Variants in CACNA2D3 observed in about 807,000 individuals in gnomAD.
CACNA2D3 encodes voltage-dependent calcium channel subunit alpha-2/delta-3.
In CACNA2D3, 60 loss-of-function variants were observed where a neutral mutation model predicts 160.6. The observed-to-expected ratio is 0.37, with a 90% CI of 0.30 to 0.46. CACNA2D3 has a LOEUF of 0.46. CACNA2D3 is among the 20% of genes least tolerant of loss of function. CACNA2D3 has a pLI of 1.00. For synonymous variants in CACNA2D3, 558 were observed against 492.9 expected, an observed-to-expected ratio of 1.13 and a Z score of -1.75; for missense variants, 1,205 against 1,365.0, an observed-to-expected ratio of 0.88 and a Z score of 1.85.
intron 5 of CACNA2D3, among the ~76,000 whole-genome samples, chr3:54,544,311 A>C (rs1196515491): frequency 6.6e-6 from 1 of 152,094 alleles, no homozygotes; most frequent in Admixed American, 6.5e-5. Context: ...ACTGTTTTGA[A>C]ACAGGCTTTA....
At chr3:54,753,461 A>G (rs572108947) in intron 12 of CACNA2D3, among the ~76,000 whole-genome samples, 10 of 152,332 alleles carry the variant, frequency 6.6e-5, no homozygotes, top group African/African-American at 1.9e-4. Context: ...TGGTCCAGAC[A>G]GAACAGTCAC....
At chr3:54,163,490 T>C (rs1700388838) in intron 2 of CACNA2D3, among the ~76,000 whole-genome samples, 1 of 152,206 alleles carries the variant, frequency 6.6e-6, no homozygotes, top group African/African-American at 2.4e-5. Context: ...CCATAATGGC[T>C]TCTAAAGCTG....
intron 27 of CACNA2D3, among the ~76,000 whole-genome samples, chr3:54,941,876 C>G (rs1259592126): frequency 6.6e-6 from 1 of 152,144 alleles, no homozygotes; most frequent in African/African-American, 2.4e-5. Context: ...TCTGTTTGCA[C>G]CTGTCTCGGC....
At chr3:54,434,080 A>G (rs1411410135) in intron 4 of CACNA2D3, among the ~76,000 whole-genome samples, 1 of 152,072 alleles carries the variant, frequency 6.6e-6, no homozygotes, top group East Asian at 1.9e-4. Context: ...CAGGAACCCA[A>G]TCTTCCATTT....
At chr3:54,254,032 T>A (rs1702247150) in intron 2 of CACNA2D3, among the ~76,000 whole-genome samples, 1 of 152,176 alleles carries the variant, frequency 6.6e-6, no homozygotes, top group South Asian at 2.1e-4. Context: ...CCCAAAGTGC[T>A]GGGATTATAG....
At chr3:55,036,343 A>G (rs1703815582) in intron 35 of CACNA2D3, among the ~76,000 whole-genome samples, 1 of 152,160 alleles carries the variant, frequency 6.6e-6, no homozygotes, top group African/African-American at 2.4e-5. Flanking sequence ...GCTACTCGGG[A>G]GGCTGAGGCA....
At chr3:55,034,224 T>C (rs1316419596) in intron 35 of CACNA2D3, among the ~76,000 whole-genome samples, 3 of 151,946 alleles carry the variant, frequency 2.0e-5, no homozygotes, top group Admixed American at 2.0e-4. Context: ...TGTTATGAAA[T>C]GTTCTGCTCT....
chr3:54,455,296 A>G (rs1477403045), intron 4 of CACNA2D3, among the ~76,000 whole-genome samples: 1 of 151,904 alleles, frequency 6.6e-6, no homozygotes, highest in Non-Finnish European at 1.5e-5. Context: ...TCCTGAGGTG[A>G]GATGATATTG....
chr3:55,021,643 ATG>A (rs1491055413), intron 35 of CACNA2D3, among the ~76,000 whole-genome samples: 4 of 122,628 alleles, frequency 3.3e-5, no homozygotes, highest in African/African-American at 9.2e-5. Context: ...ATATATATAT[ATG>A]TGTATATATA....
At chr3:54,240,529 TG>T (rs1701956159) in intron 2 of CACNA2D3, among the ~76,000 whole-genome samples, 1 of 152,132 alleles carries the variant, frequency 6.6e-6, no homozygotes, top group South Asian at 2.1e-4. Context: ...GTAAAAGGGA[TG>T]TGGATCAGCA....
chr3:54,328,159 G>A lies in CACNA2D3; in HGVS notation c.321+7601G>A, dbSNP rs116040787. On this transcript the variant is annotated intron_variant, in intron 3 of 37. Transcript: ENST00000474759. ...TTGTTCTACAGACAATGCTATGCCT[G>A]CCTATGTTCCCACCTGTGTGGTTGG... 3.3e-3 allele frequency among the ~76,000 whole-genome samples: 506 copies of A among 152,366 alleles called. 3 individuals carry two copies. Among genetic ancestry groups the A allele is most frequent in the African/African-American group, 0.011 (475 of 41,586 alleles).
chr3:54,980,336 A>T (rs1316294395), intron 29 of CACNA2D3, among the ~76,000 whole-genome samples: 19 of 152,212 alleles, frequency 1.2e-4, no homozygotes, highest in Admixed American at 1.2e-3. Context: ...AGAAAAACTG[A>T]ATACTACCTC....
chr3:54,887,229 T>A (rs1380145954), intron 23 of CACNA2D3, among the ~76,000 whole-genome samples: 1 of 152,026 alleles, frequency 6.6e-6, no homozygotes, highest in African/African-American at 2.4e-5. Flanking sequence ...AGTTTGAGAC[T>A]AACCTGGCCA....
chr3:54,737,477 A>T (rs534158547), intron 11 of CACNA2D3, among the ~76,000 whole-genome samples: 24 of 152,204 alleles, frequency 1.6e-4, no homozygotes, highest in African/African-American at 5.3e-4. Flanking sequence ...ACAGGAAAGA[A>T]CTTCAGGTGT....
At position 55,004,752 on chromosome 3, in the gene CACNA2D3, C is replaced by G. The variant is rs138179588; in HGVS notation, c.2691-11C>G. On this transcript the variant is annotated splice_polypyrimidine_tract_variant and intron_variant, in intron 31 of 37. Transcript: ENST00000474759. ...CATTTAGTGAAGCTCCCTTCCATTT[C>G]TTTCCTGTAGAATTACCCTTTATGA... is the stretch of plus-strand genomic sequence containing the variant. The G allele has an allele frequency of 2.1e-5, 33 of 1,604,946 alleles. No individual in the cohort carries two copies. The South Asian group carries it at 3.4e-4, about 17-fold the overall frequency.
chr3:55,058,235 T>C (rs151221966), intron 35 of CACNA2D3, among the ~76,000 whole-genome samples: 2 of 152,360 alleles, frequency 1.3e-5, no homozygotes, highest in Non-Finnish European at 2.9e-5. Context: ...ATGATTTGTT[T>C]AATTATTTCC....
intron 27 of CACNA2D3, among the ~76,000 whole-genome samples, chr3:54,902,610 T>C (rs1700360397): frequency 6.6e-6 from 1 of 152,214 alleles, no homozygotes; most frequent in Admixed American, 6.5e-5. Context: ...GCCTACCAAG[T>C]CTCATCCTAG....
intron 5 of CACNA2D3, among the ~76,000 whole-genome samples, chr3:54,559,127 T>C (rs1702284902): frequency 6.6e-6 from 1 of 152,138 alleles, no homozygotes; most frequent in South Asian, 2.1e-4. Context: ...AAGAACGGAA[T>C]GTTGCTTAAT....
intron 4 of CACNA2D3, among the ~76,000 whole-genome samples, chr3:54,389,210 G>T (rs1430899254): frequency 6.6e-6 from 1 of 152,014 alleles, no homozygotes; most frequent in South Asian, 2.1e-4. Context: ...CAGGAGAATC[G>T]CTTGAAGCTG....
Sources: allele counts gnomAD v4.1 joint callset (sites outside exome capture counted in the v4.1 genomes callset), GRCh38; gene constraint gnomAD v4.1.1; transcripts MANE v1.5; gene names NCBI Gene and HGNC (gene_info 2026-07-23, HGNC 2026-07-21).